The following KIRREL3 variants were observed in gnomAD, a reference collection of about 807,000 sequenced individuals.
The protein encoded by KIRREL3 is kirre like nephrin family adhesion molecule 3.
A neutral mutation model predicts 89.7 loss-of-function variants in KIRREL3; 36 were observed. The ratio of observed to expected loss-of-function variants is 0.40; its 90% CI spans 0.31 to 0.53. The LOEUF (loss-of-function observed/expected upper bound fraction) is 0.53, where lower values mean the gene tolerates loss of function less well. KIRREL3 is among the 20% of genes least tolerant of loss of function. The pLI is 0.49. For synonymous variants in KIRREL3, 445 were observed against 441.4 expected (o/e 1.01, Z -0.10); for missense variants, 864 against 1,056.6 (o/e 0.82, Z 2.53).
rs79639753 is a variant in KIRREL3, at chr11:126,672,474, G to C, written c.56-109562C>G. On this transcript the variant is annotated intron_variant, in intron 1 of 16. Coordinates refer to ENST00000525144, the MANE Select transcript of KIRREL3 (RefSeq NM_032531.4). ...ATTGCTAAGTGAAAGAAGCCAGTCTGAAAAAACATATTGAATGATTCCATT... is the reference window on the plus strand; with the variant it reads ...ATTGCTAAGTGAAAGAAGCCAGTCTCAAAAAACATATTGAATGATTCCATT... Among the ~76,000 whole-genome samples, 949 of 152,258 alleles carry C rather than the reference G, an allele frequency of 6.2e-3. 13 individuals carry two copies. The highest frequency in any genetic ancestry group is 0.021 in the African/African-American group (876 of 41,542).
chr11:126,845,278 A>G (rs530485533), intron 1 of KIRREL3, among the ~76,000 whole-genome samples: 36 of 152,320 alleles, frequency 2.4e-4, no homozygotes, highest in Middle Eastern at 3.4e-3. Flanking sequence ...AGGGAAAGGG[A>G]ACCCAGAAGC....
intron 2 of KIRREL3, among the ~76,000 whole-genome samples, chr11:126,559,406 G>A (rs1180159332): frequency 6.6e-6 from 1 of 152,248 alleles, no homozygotes; most frequent in African/African-American, 2.4e-5. Flanking sequence ...AGGGAGAGGA[G>A]AGGAAGGAAC....
chr11:126,927,562 C>T (rs936700713), intron 1 of KIRREL3, among the ~76,000 whole-genome samples: 7 of 152,170 alleles, frequency 4.6e-5, no homozygotes, highest in African/African-American at 1.7e-4. Context: ...TGCCTTTGGT[C>T]TACTTTTACA....
In KIRREL3 at chr11:126,969,285, G is replaced by C. The variant is rs543960517; in HGVS notation, c.55+31170C>G. Reference sequence around the variant, plus strand: ...CATGGACACAGGGAATGAAGGGATAGACAGATGTCCTATCTTTGGGAATGC... The same window carrying C: ...CATGGACACAGGGAATGAAGGGATACACAGATGTCCTATCTTTGGGAATGC... On this transcript the variant is annotated intron_variant, in intron 1 of 16. Coordinates refer to ENST00000525144, the MANE Select transcript of KIRREL3 (RefSeq NM_032531.4). This position sits in a 1 kb window ranked among gnomAD's most constrained non-coding sequence, Gnocchi z 4.9. Among the ~76,000 whole-genome samples, 15 of 152,302 alleles carry C rather than the reference G, an allele frequency of 9.8e-5. No homozygotes were observed. The highest frequency in any genetic ancestry group is 9.2e-4 in the Admixed American group (14 of 15,296).
At chr11:126,447,735 T>A (rs998966317) in intron 8 of KIRREL3, among the ~76,000 whole-genome samples, 1 of 152,170 alleles carries the variant, frequency 6.6e-6, no homozygotes, top group Non-Finnish European at 1.5e-5. Context: ...AGAGTGCTCC[T>A]TCCAGGGAGC....
rs886201305 is a variant in KIRREL3 at position 126,528,346 on chromosome 11, A to G, written c.134-1659T>C. On this transcript the variant is annotated intron_variant, in intron 2 of 16. Coordinates refer to ENST00000525144, the MANE Select transcript of KIRREL3 (RefSeq NM_032531.4). The surrounding 1 kb of genome is among the most constrained non-coding windows in gnomAD (Gnocchi z 4.6). Reference sequence around the variant, plus strand: ...CACCTAGGACTGAGCTCTCAGCAACAGATGACCCCAAGAGGGAGACACTTG... The same window carrying G: ...CACCTAGGACTGAGCTCTCAGCAACGGATGACCCCAAGAGGGAGACACTTG... 2.0e-5 allele frequency among the ~76,000 whole-genome samples: 3 copies of G among 152,236 alleles called. No homozygotes were observed.
chr11:126,551,030 A>T lies in KIRREL3; in HGVS notation c.133+11805T>A, dbSNP rs1236655001. 6.6e-6 allele frequency among the ~76,000 whole-genome samples: 1 copy of T among 152,122 alleles called. No individual in the cohort carries two copies. Among genetic ancestry groups the T allele is most frequent in the Non-Finnish European group, 1.5e-5 (1 of 68,032 alleles). On this transcript the variant is annotated intron_variant, in intron 2 of 16. Coordinates refer to ENST00000525144, the MANE Select transcript of KIRREL3 (RefSeq NM_032531.4). This position sits in a 1 kb window ranked among gnomAD's most constrained non-coding sequence, Gnocchi z 4.9. ...CAAGACCTTCTGTTTGGGTTTGATT[A>T]ATTTGCTAGAGTGGCACGAAGACCT...
chr11:126,737,021 CA>C (rs1948824002), intron 1 of KIRREL3, among the ~76,000 whole-genome samples: 1 of 152,232 alleles, frequency 6.6e-6, no homozygotes, highest in Admixed American at 6.5e-5. Context: ...AAAGCAAAAA[CA>C]GCTAAAGTTT....
intron 1 of KIRREL3, among the ~76,000 whole-genome samples, chr11:126,907,518 G>C (rs556342349): frequency 6.6e-6 from 1 of 152,312 alleles, no homozygotes; most frequent in South Asian, 2.1e-4. Context: ...GAGACTTTTT[G>C]CTGGAGGGAC....
chr11:126,427,539 G>A lies in KIRREL3; in HGVS notation c.1806+1640C>T, dbSNP rs1954989735. On this transcript the variant is annotated intron_variant, in intron 15 of 16. Transcript: ENST00000525144. This position sits in a 1 kb window ranked among gnomAD's most constrained non-coding sequence, Gnocchi z 5.3. ...AGGCAGAGAGAACAGCCGGTGCACAGGCCTTTGAAGTCCAAAAGATTCGAA... is the reference window on the plus strand; with the variant it reads ...AGGCAGAGAGAACAGCCGGTGCACAAGCCTTTGAAGTCCAAAAGATTCGAA... Among the ~76,000 whole-genome samples the A allele has an allele frequency of 6.6e-6, 1 of 152,214 alleles. No individual in the cohort carries two copies.
At chr11:126,573,405 A>G (rs1941076362) in intron 1 of KIRREL3, among the ~76,000 whole-genome samples, 1 of 152,134 alleles carries the variant, frequency 6.6e-6, no homozygotes, top group Admixed American at 6.5e-5. Flanking sequence ...GCAGAGGATG[A>G]GGAACTGGTG....
intron 10 of KIRREL3, among the ~76,000 whole-genome samples, chr11:126,444,417 G>T (rs1366392173): frequency 6.6e-6 from 1 of 152,206 alleles, no homozygotes; most frequent in Admixed American, 6.5e-5. Context: ...TGGCTCACTT[G>T]AGGTTAGGAG....
In KIRREL3 at chr11:126,965,322, G is replaced by A. The variant is rs1019888997; in HGVS notation, c.55+35133C>T. ...TTGCTTATTTACAGAGATGCTTTTC[G>A]GCATTTACCCATGATAAACTCTACC... On this transcript the variant is annotated intron_variant, in intron 1 of 16. Coordinates refer to ENST00000525144, the MANE Select transcript of KIRREL3 (RefSeq NM_032531.4). This position sits in a 1 kb window ranked among gnomAD's most constrained non-coding sequence, Gnocchi z 4.4. 1.3e-5 allele frequency among the ~76,000 whole-genome samples: 2 copies of A among 152,024 alleles called. No homozygotes were observed. The highest frequency in any genetic ancestry group is 2.9e-5 in the Non-Finnish European group (2 of 68,008).
chr11:126,532,862 T>C (rs188773128), intron 2 of KIRREL3, among the ~76,000 whole-genome samples: 58 of 152,072 alleles, frequency 3.8e-4, no homozygotes, highest in African/African-American at 1.3e-3. Context: ...TACCATTACT[T>C]ATAATTATTA....
chr11:126,751,880 A>G (rs1949348008), intron 1 of KIRREL3, among the ~76,000 whole-genome samples: 1 of 152,114 alleles, frequency 6.6e-6, no homozygotes, highest in African/African-American at 2.4e-5. Context: ...TTATTTTTAT[A>G]TTTTTAGAGA....
intron 1 of KIRREL3, among the ~76,000 whole-genome samples, chr11:126,592,154 A>T (rs1310120214): frequency 1.3e-5 from 2 of 152,142 alleles, no homozygotes; most frequent in Non-Finnish European, 2.9e-5. Flanking sequence ...CTGGGTGCCT[A>T]TGATGCCTCA....
rs1189738702 is a variant in KIRREL3 at position 126,636,810 on chromosome 11, T to C, written c.56-73898A>G. ...AGTCCGGATGATCTGGACTTGAATTTGTATCCCGGTTTAACCACTTACTCT... is the reference window on the plus strand; with the variant it reads ...AGTCCGGATGATCTGGACTTGAATTCGTATCCCGGTTTAACCACTTACTCT... On this transcript the variant is annotated intron_variant, in intron 1 of 16. Transcript: ENST00000525144. This position sits in a 1 kb window ranked among gnomAD's most constrained non-coding sequence, Gnocchi z 4.4. Among the ~76,000 whole-genome samples the C allele has an allele frequency of 6.6e-6, 1 of 152,212 alleles. No homozygotes were observed. The highest frequency in any genetic ancestry group is 1.5e-5 in the Non-Finnish European group (1 of 68,036).
chr11:126,950,970 T>A (rs1948758270), intron 1 of KIRREL3, among the ~76,000 whole-genome samples: 1 of 152,208 alleles, frequency 6.6e-6, no homozygotes, highest in African/African-American at 2.4e-5. Flanking sequence ...AGGACAAAGA[T>A]CAAAGACATG....
At position 126,564,290 on chromosome 11, in the gene KIRREL3, G is replaced by A. The variant is rs569896246; in HGVS notation, c.56-1378C>T. Reference sequence around the variant, plus strand: ...TCCTCTTTCTCCTCTTCCATCCACCGTCTGCAGCCCAGGTCCACCCACCAA... The same window carrying A: ...TCCTCTTTCTCCTCTTCCATCCACCATCTGCAGCCCAGGTCCACCCACCAA... On this transcript the variant is annotated intron_variant, in intron 1 of 16. Coordinates refer to ENST00000525144, the MANE Select transcript of KIRREL3 (RefSeq NM_032531.4). The surrounding 1 kb of genome is among the most constrained non-coding windows in gnomAD (Gnocchi z 7.4). 9.9e-4 allele frequency among the ~76,000 whole-genome samples: 151 copies of A among 152,236 alleles called. 1 individual carries two copies. The South Asian group carries it at 0.029, about 29-fold the overall frequency.
Sources: gnomAD v4.1 joint callset for allele counts (sites outside exome capture counted in the v4.1 genomes callset) on GRCh38, gnomAD v4.1.1 for gene constraint, Gnocchi (gnomAD v3.1) non-coding constraint, MANE v1.5 for transcripts, NCBI Gene and HGNC (gene_info 2026-07-23, HGNC 2026-07-21) for gene names.